CD163: variants seen among roughly 807,000 people sequenced by gnomAD.
CD163 encodes CD163 molecule.
In CD163, 64 loss-of-function variants were observed where a neutral mutation model predicts 129.2. The observed-to-expected ratio is 0.50, with a 90% CI of 0.41 to 0.61. The LOEUF (loss-of-function observed/expected upper bound fraction) is 0.61, where lower values mean the gene tolerates loss of function less well. Among genes scored for constraint, CD163 ranks in the 20% least tolerant of loss-of-function variants. The pLI is 0.00. For missense variants in CD163, 1,061 were observed against 1,377.9 expected (o/e 0.77, Z 3.64); for synonymous variants, 446 against 478.5 (o/e 0.93, Z 0.89).
At chr12:7,500,421 C>CAA (rs71953455) in intron 3 of CD163, among the ~76,000 whole-genome samples, 13,885 of 63,910 alleles carry the variant, frequency 0.22, 1,453 homozygotes, top group East Asian at 0.34. Context: ...CAATTCGTCC[C>CAA]AAAAAAAAAA....
At chr12:7,477,291 G>A (rs2136687134) in intron 16 of CD163, among the ~76,000 whole-genome samples, 1 of 152,054 alleles carries the variant, frequency 6.6e-6, no homozygotes, top group East Asian at 1.9e-4. Context: ...AGGCACACAT[G>A]TTTATTGCAG....
chr12:7,502,491 G>T lies in CD163; in HGVS notation c.120C>A (p.Val40=). 1 of 1,596,096 alleles carries T rather than the reference G, an allele frequency of 6.3e-7. No homozygotes were observed. Among genetic ancestry groups the T allele is most frequent in the Non-Finnish European group, 8.6e-7 (1 of 1,163,672 alleles). ...CAAAGTACTCACCAAGAGAACTGGT[G>T]ACAAAACAGGCACTGAGAAGTAAGA... ...TVVLLLSACF[V]TSSLGGTDKE... is the part of the protein sequence containing the mutation. Residue 40 remains valine (V), a synonymous_variant, in exon 2 of 17, where the codon GTC becomes GTA. Transcript: ENST00000432237.
rs61729510 is a variant in CD163, at chr12:7,487,799, C to T, written c.1709G>A (p.Ser570Asn). 2.0e-3 allele frequency: 3,286 copies of T among 1,614,102 alleles called. 49 individuals are homozygous for T. In the African/African-American group the frequency reaches 0.037, roughly 18 times the overall value. The change falls in exon 7 of 17, where the codon AGC becomes AAC. Residue 570 changes from serine (S) to asparagine (N), a missense_variant. Physicochemically the swap from Ser to Asn is conservative, Grantham distance 46. Coordinates refer to ENST00000432237, the MANE Select transcript of CD163 (RefSeq NM_203416.4). The surrounding 1 kb of genome is among the most constrained non-coding windows in gnomAD (Gnocchi z 5.1). The part of the protein sequence containing the change: ...APRPEGTCSH[S>N]RDVGVVCSRY... ...TGAGCAGACTACTCCAACATCCCTGCTGTGGCTACAAGTTCCTTCTGGGCG... is the reference window on the plus strand; with the variant it reads ...TGAGCAGACTACTCCAACATCCCTGTTGTGGCTACAAGTTCCTTCTGGGCG...
chr12:7,494,943 C>T, intron 6 of CD163, 138 bp downstream of exon 6: 1 of 698,734 alleles, frequency 1.4e-6, no homozygotes, highest in Non-Finnish European at 2.5e-6. Context: ...TTATCTGACT[C>T]TCCCAGTGGA....
At chr12:7,482,519 A>G in intron 14 of CD163, 124 bp downstream of exon 14, 1 of 1,093,432 alleles carries the variant, frequency 9.1e-7, no homozygotes, top group South Asian at 1.6e-5. Flanking sequence ...CTCTGTTTTG[A>G]GAAACTGCTC....
At chr12:7,488,447 C>T (rs1949286635) in intron 6 of CD163, among the ~76,000 whole-genome samples, 1 of 152,188 alleles carries the variant, frequency 6.6e-6, no homozygotes, top group South Asian at 2.1e-4. Context: ...GCACTCATTC[C>T]TCCATGTACT....
intron 16 of CD163, among the ~76,000 whole-genome samples, chr12:7,476,325 T>C (rs942831569): frequency 5.9e-5 from 9 of 152,192 alleles, no homozygotes; most frequent in Non-Finnish European, 2.9e-5. Context: ...TCACGCTATC[T>C]GACTTCAAAC....
chr12:7,475,157 G>C (rs1373520627), intron 16 of CD163, among the ~76,000 whole-genome samples: 1 of 147,750 alleles, frequency 6.8e-6, no homozygotes, highest in Admixed American at 6.8e-5. Context: ...TCTACCAGAG[G>C]TACAAAGAAG....
Position 7,495,327 on chromosome 12 carries a change from T to G in CD163, c.1174A>C (p.Arg392=). The G allele has an allele frequency of 6.2e-7, 1 of 1,614,128 alleles. No homozygotes were observed. The highest frequency in any genetic ancestry group is 1.1e-5 in the South Asian group (1 of 91,082). ...CTGTCACACACCTTCCCTAACAGTC[T>G]CTGAATCTCCACCTCAACTGTCCCA... The part of the protein sequence containing the change: ...CAGTVEVEIQ[R]LLGKVCDRGW... The change falls in exon 6 of 17, where the codon AGA becomes CGA. Residue 392 remains arginine, a synonymous_variant. Coordinates refer to ENST00000432237, the MANE Select transcript of CD163 (RefSeq NM_203416.4).
chr12:7,502,483 G>C lies in CD163; in HGVS notation c.128C>G (p.Ser43Cys). Residue 43 changes from serine (S) to cysteine (C), a missense_variant, in exon 2 of 17, where the codon TCT becomes TGT. By Grantham distance (112) the Ser-to-Cys change is moderately radical (BLOSUM62 -1). Coordinates refer to ENST00000432237, the MANE Select transcript of CD163 (RefSeq NM_203416.4). ...AAATTTGACAAAGTACTCACCAAGA[G>C]AACTGGTGACAAAACAGGCACTGAG... ...LLLSACFVTS[S>C]LGGTDKELRL... is the part of the protein sequence containing the mutation. 6.3e-7 allele frequency: 1 copy of C among 1,580,078 alleles called. No homozygotes were observed. Among genetic ancestry groups the C allele is most frequent in the Non-Finnish European group, 8.7e-7 (1 of 1,148,920 alleles).
intron 16 of CD163, among the ~76,000 whole-genome samples, chr12:7,476,341 G>C (rs1207331800): frequency 1.3e-5 from 2 of 151,924 alleles, no homozygotes; most frequent in Non-Finnish European, 2.9e-5. Context: ...CAAACTTACT[G>C]CAAGTCTACA....
chr12:7,502,027 T>C (rs1184453356), intron 2 of CD163, among the ~76,000 whole-genome samples: 1 of 152,220 alleles, frequency 6.6e-6, no homozygotes, highest in Non-Finnish European at 1.5e-5. Flanking sequence ...TCTCTTCCCA[T>C]CCCCAGATGA....
intron 5 of CD163, 47 bp from the exon 6 acceptor site, chr12:7,495,448 G>C (rs1274906753): frequency 6.5e-7 from 1 of 1,533,602 alleles, no homozygotes; most frequent in South Asian, 1.2e-5. Flanking sequence ...ATGGAGGTTA[G>C]CTTCCAGAGG....
Position 7,485,489 on chromosome 12 carries a change from T to C in CD163, c.2459-73A>G, listed in dbSNP as rs1949235524. On this transcript the variant is annotated intron_variant, in intron 10 of 16. Transcript: ENST00000432237. This position sits in a 1 kb window ranked among gnomAD's most constrained non-coding sequence, Gnocchi z 4.5. The stretch of plus-strand genomic sequence containing the variant: ...CAGAGACTCCTTCCCTTTACCTTGA[T>C]GTAAGAATGGCTTTAAAAATAGGTA... 2.5e-6 allele frequency: 3 copies of C among 1,219,036 alleles called. No individual in the cohort carries two copies. The highest frequency in any genetic ancestry group is 2.1e-5 in the Admixed American group (1 of 47,016). 75.5% of individuals were successfully genotyped at this position (1,219,036 alleles called of 1,614,324 possible).
rs1447821951 is a variant in CD163, at chr12:7,501,141, G to A, written c.455C>T (p.Ser152Leu). The A allele has an allele frequency of 6.2e-7, 1 of 1,613,634 alleles. No homozygotes were observed. Among genetic ancestry groups the A allele is most frequent in the East Asian group, 2.2e-5 (1 of 44,876 alleles). ...GCTTTGACTAATGCAAGTCTTACCT[G>A]AGCAGGTCACTCCAGCATCTTGTTG... ...THQQDAGVTC[S>L]DGSNLEMRLT... Residue 152 changes from serine to leucine, a missense_variant and splice_region_variant, in exon 3 of 17, where the codon TCA becomes TTA. Physicochemically the swap from Ser to Leu is moderately radical, Grantham distance 145. Transcript: ENST00000432237.
At chr12:7,500,400 G>C (rs1592012921) in intron 3 of CD163, among the ~76,000 whole-genome samples, 1 of 119,544 alleles carries the variant, frequency 8.4e-6, no homozygotes. Flanking sequence ...CAGCCTGGGG[G>C]ACAAGAGCGA....
At chr12:7,483,302 C>T in intron 12 of CD163, 65 bp downstream of exon 12, 1 of 1,477,548 alleles carries the variant, frequency 6.8e-7, no homozygotes, top group Non-Finnish European at 9.3e-7. Flanking sequence ...ACACAACACA[C>T]ATCACTGCCC....
chr12:7,473,023 G>GA (rs1280021131), intron 16 of CD163: 2 of 152,130 alleles, frequency 1.3e-5, no homozygotes, highest in Admixed American at 1.3e-4. Flanking sequence ...CAAGATTGGA[G>GA]AAAAAAGAAT....
Position 7,487,859 on chromosome 12 carries a change from T to C in CD163, c.1649A>G (p.His550Arg). 21 of 1,614,102 alleles carry C rather than the reference T, an allele frequency of 1.3e-5. No homozygotes were observed. Among genetic ancestry groups the C allele is most frequent in the South Asian group, 9.9e-5 (9 of 91,076 alleles). ...IWAEEFQCEG[H>R]ESHLSLCPVA... is the part of the protein sequence containing the mutation. ...TGGGCAGAGTGAAAGATGGGACTCA[T>C]GTCCCTCACACTGGAATTCTTCAGC... Residue 550 changes from histidine (H) to arginine (R), a missense_variant, in exon 7 of 17, where the codon CAT becomes CGT. Coordinates refer to ENST00000432237, the MANE Select transcript of CD163 (RefSeq NM_203416.4). This position sits in a 1 kb window ranked among gnomAD's most constrained non-coding sequence, Gnocchi z 5.1.
Sources: gnomAD v4.1 joint callset for allele counts (sites outside exome capture counted in the v4.1 genomes callset) on GRCh38, gnomAD v4.1.1 for gene constraint, Gnocchi (gnomAD v3.1) non-coding constraint, MANE v1.5 for transcripts, NCBI Gene and HGNC (gene_info 2026-07-23, HGNC 2026-07-21) for gene names.